The following WDR70 variants were observed in gnomAD, a reference collection of about 807,000 sequenced individuals.
WDR70 encodes WD repeat-containing protein 70.
Under a neutral mutation model 88.6 loss-of-function variants are expected in WDR70, and 53 were observed. The observed-to-expected ratio is 0.60, with a 90% CI of 0.48 to 0.75. WDR70 has a LOEUF of 0.75. Ranked by LOEUF, WDR70 falls within the 30% of genes least tolerant of loss-of-function variation. The pLI is 0.00. For synonymous variants in WDR70, 280 were observed against 270.0 expected, an observed-to-expected ratio of 1.04 and a Z score of -0.36; for missense variants, 610 against 823.2, an observed-to-expected ratio of 0.74 and a Z score of 3.17.
chr5:37,737,592 C>A (rs1343148900), intron 17 of WDR70, among the ~76,000 whole-genome samples: 2 of 152,240 alleles, frequency 1.3e-5, no homozygotes, highest in East Asian at 3.9e-4. Context: ...CAGGGCTACA[C>A]CAATGCCAAG....
chr5:37,601,336 A>G (rs558113634), intron 9 of WDR70, among the ~76,000 whole-genome samples: 1 of 152,354 alleles, frequency 6.6e-6, no homozygotes, highest in South Asian at 2.1e-4. Context: ...ATTGGTTTAC[A>G]TATATTGAAC....
intron 9 of WDR70, among the ~76,000 whole-genome samples, chr5:37,543,021 C>T (rs548019829): frequency 9.4e-4 from 143 of 152,304 alleles, no homozygotes; most frequent in Non-Finnish European, 1.5e-3. Context: ...TGCTTATATT[C>T]CCTTGGGAAC....
intron 7 of WDR70, among the ~76,000 whole-genome samples, chr5:37,445,496 G>T (rs1445880573): frequency 6.6e-6 from 1 of 151,902 alleles, no homozygotes; most frequent in Non-Finnish European, 1.5e-5. Flanking sequence ...AGGGATATTG[G>T]TCTAAAATTC....
At chr5:37,523,624 G>A (rs1336987946) in intron 9 of WDR70, among the ~76,000 whole-genome samples, 2 of 152,236 alleles carry the variant, frequency 1.3e-5, no homozygotes, top group African/African-American at 4.8e-5. Context: ...AACAAAGGTG[G>A]ATGGAGAATG....
chr5:37,392,244 C>T (rs1446014436), intron 4 of WDR70, 124 bp downstream of exon 4: 10 of 1,131,238 alleles, frequency 8.8e-6, no homozygotes, highest in African/African-American at 1.7e-5. Flanking sequence ...AGTGCAGTGG[C>T]GTGATCTTGG....
At chr5:37,563,006 A>T (rs1174098880) in intron 9 of WDR70, among the ~76,000 whole-genome samples, 13 of 134,758 alleles carry the variant, frequency 9.6e-5, no homozygotes, top group African/African-American at 2.1e-4. Flanking sequence ...GGGGCTCCTC[A>T]CTTCCCAGTA....
chr5:37,701,239 T>C (rs763445351), intron 12 of WDR70, 97 bp downstream of exon 12: 18 of 773,688 alleles, frequency 2.3e-5, no homozygotes, highest in Non-Finnish European at 3.7e-5. Flanking sequence ...TTTTAGATCT[T>C]CTGGAAAAGA....
chr5:37,742,006 A>G (rs1561100810), intron 17 of WDR70, among the ~76,000 whole-genome samples: 1 of 152,128 alleles, frequency 6.6e-6, no homozygotes, highest in African/African-American at 2.4e-5. Context: ...TTAGCTATCA[A>G]TGTATAGTTG....
At position 37,392,086 on chromosome 5, in the gene WDR70, A is replaced by G. The variant is rs371503084; in HGVS notation, c.262A>G (p.Asn88Asp). 5 of 1,612,742 alleles carry G rather than the reference A, an allele frequency of 3.1e-6. No individual in the cohort carries two copies. Among genetic ancestry groups the G allele is most frequent in the African/African-American group, 2.7e-5 (2 of 74,872 alleles). Residue 88 changes from asparagine (N) to aspartate (D), a missense_variant, in exon 4 of 18, where the codon AAT becomes GAT. Physicochemically the swap from Asn to Asp is conservative, Grantham distance 23 (BLOSUM62 1). This residue lies in a region of WDR70 where 203 missense variants were observed against 228.1 expected (regional missense o/e 0.89). Transcript: ENST00000265107. ...EDIEPTSSRSNVVRDCSKSSS... is the reference protein window; with the variant it reads ...EDIEPTSSRSDVVRDCSKSSS... ...TATTGAGCCAACATCCTCAAGATCA[A>G]ATGTGGTCAGAGATTGCTCCAAATC... is the stretch of plus-strand genomic sequence containing the variant.
intron 9 of WDR70, among the ~76,000 whole-genome samples, chr5:37,567,959 C>T (rs891553673): frequency 7.9e-5 from 12 of 152,158 alleles, no homozygotes; most frequent in African/African-American, 2.9e-4. Flanking sequence ...GATCTGCATG[C>T]TTTTAAGCTT....
intron 9 of WDR70, 147 bp from the exon 10 acceptor site, chr5:37,604,917 C>T: frequency 1.7e-6 from 1 of 588,032 alleles, no homozygotes; most frequent in Non-Finnish European, 2.7e-6. Context: ...GAATCTTTTA[C>T]AGTGCATGTC....
intron 8 of WDR70, among the ~76,000 whole-genome samples, chr5:37,515,643 T>C (rs1482639836): frequency 2.6e-5 from 4 of 152,246 alleles, no homozygotes; most frequent in Non-Finnish European, 5.9e-5. Context: ...TTCAGAGAGT[T>C]ACTGTTATTT....
chr5:37,749,621 G>T (rs1167888277), intron 17 of WDR70, among the ~76,000 whole-genome samples: 1 of 152,002 alleles, frequency 6.6e-6, no homozygotes, highest in Non-Finnish European at 1.5e-5. Flanking sequence ...ATTATGATTA[G>T]TTCAAAAGTA....
intron 13 of WDR70, among the ~76,000 whole-genome samples, chr5:37,704,524 C>T (rs1056692255): frequency 6.6e-6 from 1 of 152,124 alleles, no homozygotes; most frequent in African/African-American, 2.4e-5. Context: ...CATTTTTGTT[C>T]TCTGTGTTAC....
intron 9 of WDR70, among the ~76,000 whole-genome samples, chr5:37,589,327 T>C (rs1743461313): frequency 6.6e-6 from 1 of 150,930 alleles, no homozygotes; most frequent in African/African-American, 2.4e-5. Context: ...CACAATGTAA[T>C]AGGTATATAA....
At chr5:37,480,847 A>T (rs1215020220) in intron 8 of WDR70, among the ~76,000 whole-genome samples, 2 of 152,242 alleles carry the variant, frequency 1.3e-5, no homozygotes, top group Non-Finnish European at 1.5e-5. Flanking sequence ...CATCTGAGAC[A>T]AGGCAAGTCC....
intron 10 of WDR70, among the ~76,000 whole-genome samples, chr5:37,653,013 G>C (rs545968969): frequency 6.6e-6 from 1 of 152,204 alleles, no homozygotes; most frequent in South Asian, 2.1e-4. Context: ...TCCTTGTCTT[G>C]TGCTGGTTTT....
intron 7 of WDR70, among the ~76,000 whole-genome samples, chr5:37,463,136 G>A (rs972609401): frequency 2.0e-5 from 3 of 152,112 alleles, no homozygotes; most frequent in Non-Finnish European, 4.4e-5. Context: ...GCCCAGCATG[G>A]TGGCACGCAC....
At chr5:37,644,261 C>T (rs1420673928) in intron 10 of WDR70, among the ~76,000 whole-genome samples, 2 of 151,856 alleles carry the variant, frequency 1.3e-5, no homozygotes, top group South Asian at 4.1e-4. Flanking sequence ...TTTTTGTCCT[C>T]CATTCTGTTG....
Sources: allele counts gnomAD v4.1 joint callset (sites outside exome capture counted in the v4.1 genomes callset), GRCh38; gene constraint gnomAD v4.1.1; regional missense constraint gnomAD v4.1.1; transcripts MANE v1.5; gene names NCBI Gene and HGNC (gene_info 2026-07-23, HGNC 2026-07-21).